The following CEP164 variants were observed in gnomAD, a reference collection of about 807,000 sequenced individuals.
CEP164 encodes centrosomal protein 164.
CEP164 carries 162 observed loss-of-function variants against 182.7 expected under a neutral mutation model. The ratio of observed to expected loss-of-function variants is 0.89; its 90% CI spans 0.78 to 1.01. The LOEUF (loss-of-function observed/expected upper bound fraction) is 1.01, where lower values mean the gene tolerates loss of function less well. CEP164 is among the 50% of genes least tolerant of loss of function. The pLI, the probability that CEP164 is intolerant of heterozygous loss-of-function variation, is 0.00. For synonymous variants in CEP164, 661 were observed against 690.0 expected, an observed-to-expected ratio of 0.96 and a Z score of 0.66; for missense variants, 1,735 against 1,790.4, an observed-to-expected ratio of 0.97 and a Z score of 0.56.
intron 9 of CEP164, among the ~76,000 whole-genome samples, chr11:117,372,942 T>G (rs943975079): frequency 2.0e-5 from 3 of 152,206 alleles, no homozygotes; most frequent in African/African-American, 7.2e-5. Context: ...TGGGAGTGGT[T>G]GCTTTGGCAA....
rs1158526777 is a variant in CEP164, at chr11:117,355,421, C to T, written c.393+3433C>T. 3.1e-6 allele frequency: 4 copies of T among 1,289,668 alleles called. No individual in the cohort carries two copies. In the East Asian group the frequency reaches 2.2e-4, roughly 71 times the overall value. The allele number at this position is 1,289,668 out of a possible 1,614,324, so 79.9% of individuals were successfully genotyped here. On this transcript the variant is annotated intron_variant, in intron 5 of 32. Transcript: ENST00000278935. ...AGAAAGCAGGAACCAGGCCTCTGTC[C>T]ACTCAAAGCTTTCTGAAGCCATCAA...
chr11:117,397,365 A>T (rs1345525564), intron 27 of CEP164, 52 bp downstream of exon 27: 1 of 1,542,336 alleles, frequency 6.5e-7, no homozygotes, highest in African/African-American at 1.4e-5. Flanking sequence ...AGGCGGGGGG[A>T]GTCAGCAAAA....
intron 27 of CEP164, among the ~76,000 whole-genome samples, chr11:117,398,533 GC>G (rs2045766251): frequency 6.6e-6 from 1 of 152,176 alleles, no homozygotes; most frequent in South Asian, 2.1e-4. Flanking sequence ...CTCCATGAGG[GC>G]CCCACCCCTG....
chr11:117,377,832 CAT>C (rs1227416942), intron 11 of CEP164, among the ~76,000 whole-genome samples: 1 of 152,062 alleles, frequency 6.6e-6, no homozygotes, highest in Non-Finnish European at 1.5e-5. Flanking sequence ...ATGAATTAGA[CAT>C]AATACATTTC....
chr11:117,390,051 T>A (rs897321899), intron 15 of CEP164, among the ~76,000 whole-genome samples: 1 of 149,534 alleles, frequency 6.7e-6, no homozygotes, highest in Non-Finnish European at 1.5e-5. Context: ...CCAGCAATTC[T>A]CCTGTCTCAG....
chr11:117,395,329 A>G (rs2045295895), intron 23 of CEP164, 138 bp downstream of exon 23: 1 of 1,169,302 alleles, frequency 8.6e-7, no homozygotes, highest in Admixed American at 2.1e-5. Context: ...TTCCACAAAT[A>G]GTGCCACTCT....
intron 14 of CEP164, among the ~76,000 whole-genome samples, chr11:117,383,612 G>T (rs1365502465): frequency 1.3e-5 from 2 of 152,228 alleles, no homozygotes; most frequent in East Asian, 3.8e-4. Flanking sequence ...CTAAAATTTA[G>T]AAATCATTTA....
chr11:117,410,361 C>A, intron 30 of CEP164: 2 of 308,580 alleles, frequency 6.5e-6, no homozygotes, highest in South Asian at 8.1e-5. Context: ...GTTCTTAATT[C>A]TCTGAGGTAG....
intron 24 of CEP164, 47 bp from the exon 25 acceptor site, chr11:117,396,007 C>T (rs374929426): frequency 6.2e-7 from 1 of 1,611,798 alleles, no homozygotes; most frequent in Non-Finnish European, 8.5e-7. Flanking sequence ...CCCCTCCCCC[C>T]CATCGCCAGC....
rs201736952 is a variant in CEP164 at position 117,395,527 on chromosome 11, A to T, written c.2914-20A>T. 6.3e-7 allele frequency: 1 copy of T among 1,596,644 alleles called. No homozygotes were observed. The highest frequency in any genetic ancestry group is 8.5e-7 in the Non-Finnish European group (1 of 1,172,002). ...CTCTGTGCTGTCTCTGGGTGCTTCT[A>T]TCTTTCCTTTTGCCCCTAGGAAGCC... On this transcript the variant is annotated intron_variant, in intron 23 of 32. Coordinates refer to ENST00000278935, the MANE Select transcript of CEP164 (RefSeq NM_014956.5).
chr11:117,391,610 C>T (rs771941104), intron 17 of CEP164, among the ~76,000 whole-genome samples: 2 of 152,110 alleles, frequency 1.3e-5, no homozygotes, highest in Non-Finnish European at 2.9e-5. Context: ...GGCGCTCTGT[C>T]CCTCACTGTC....
intron 5 of CEP164, chr11:117,356,119 G>A: frequency 1.9e-6 from 2 of 1,044,296 alleles, no homozygotes; most frequent in Non-Finnish European, 2.3e-6. Flanking sequence ...AGGAGGGTAT[G>A]GCTCAGTCAG....
chr11:117,394,585 A>G lies in CEP164; in HGVS notation c.2760+92A>G, dbSNP rs556536831. 2.3e-5 allele frequency: 34 copies of G among 1,484,460 alleles called. No homozygotes were observed. The highest frequency in any genetic ancestry group is 3.1e-5 in the Non-Finnish European group (34 of 1,100,702). The allele number at this position is 1,484,460 out of a possible 1,614,324, so 92.0% of individuals were successfully genotyped here. ...CAGACGCATGGCCCCAGCAGGATGC[A>G]GCCTGACAGCTTCTGGAGTGAGAGT... On this transcript the variant is annotated intron_variant, in intron 21 of 32. Transcript: ENST00000278935. This position sits in a 1 kb window ranked among gnomAD's most constrained non-coding sequence, Gnocchi z 4.0.
intron 14 of CEP164, among the ~76,000 whole-genome samples, chr11:117,383,857 G>A (rs1276115477): frequency 1.3e-5 from 2 of 152,176 alleles, no homozygotes; most frequent in African/African-American, 2.4e-5. Context: ...CCAACATGGC[G>A]AAACCCCGTC....
At chr11:117,387,025 T>C (rs747127419) in intron 14 of CEP164, 178 bp from the exon 15 acceptor site, 3 of 622,484 alleles carry the variant, frequency 4.8e-6, no homozygotes, top group African/African-American at 1.8e-5. Flanking sequence ...ATGGGGCTTG[T>C]CCTATGGAAC....
rs973179625 is a variant in CEP164 at position 117,353,998 on chromosome 11, C to T, written c.393+2010C>T. On this transcript the variant is annotated intron_variant, in intron 5 of 32. Coordinates refer to ENST00000278935, the MANE Select transcript of CEP164 (RefSeq NM_014956.5). ...TTGGTAAGGTTGGTGGACTTTTCTTCTTCTCCTTCTTCTTCTTCTTCTTCT... is the reference window on the plus strand; with the variant it reads ...TTGGTAAGGTTGGTGGACTTTTCTTTTTCTCCTTCTTCTTCTTCTTCTTCT... 3.9e-5 allele frequency among the ~76,000 whole-genome samples: 3 copies of T among 77,874 alleles called. No individual in the cohort carries two copies. In the South Asian group the frequency reaches 1.3e-3, roughly 34 times the overall value. 51.1% of individuals were successfully genotyped at this position (77,874 alleles called of 152,430 possible).
In CEP164 at chr11:117,392,604, C is replaced by A; in HGVS notation, c.2470C>A (p.His824Asn). 1 of 1,614,118 alleles carries A rather than the reference C, an allele frequency of 6.2e-7. No homozygotes were observed. ...GCACAGAGTTCACCAGAAGTCTTATCACGTGGCTGGGTATGAGCACGAGGT... is the reference window on the plus strand; with the variant it reads ...GCACAGAGTTCACCAGAAGTCTTATAACGTGGCTGGGTATGAGCACGAGGT... ...VEHRVHQKSY[H>N]VAGYEHELSS... Residue 824 changes from histidine (H) to asparagine (N), a missense_variant, in exon 19 of 33, where the codon CAC (histidine) becomes AAC (asparagine). His to Asn is a moderately conservative substitution (Grantham distance 68). Coordinates refer to ENST00000278935, the MANE Select transcript of CEP164 (RefSeq NM_014956.5).
intron 1 of CEP164, among the ~76,000 whole-genome samples, chr11:117,329,519 G>A (rs2035855866): frequency 6.6e-6 from 1 of 151,930 alleles, no homozygotes; most frequent in Admixed American, 6.6e-5. Flanking sequence ...TTTATTAGCT[G>A]TGACACCTTG....
Position 117,394,943 on chromosome 11 carries a change from G to T in CEP164, c.2784G>T (p.Glu928Asp), listed in dbSNP as rs143446218. 43 of 1,614,076 alleles carry T rather than the reference G, an allele frequency of 2.7e-5. No individual in the cohort carries two copies. Among genetic ancestry groups the T allele is most frequent in the Non-Finnish European group, 3.5e-5 (41 of 1,180,046 alleles). Residue 928 changes from glutamate to aspartate, a missense_variant, in exon 22 of 33, where the codon GAG becomes GAT. Transcript: ENST00000278935. This position sits in a 1 kb window ranked among gnomAD's most constrained non-coding sequence, Gnocchi z 4.0. The part of the protein sequence containing the change: ...REQERKLQDL[E>D]LDLETRAKDV... ...AGGAAAGGAAGCTCCAGGATTTAGA[G>T]TTGGACCTTGAAACCAGAGCTAAAG...
Sources: gnomAD v4.1 joint callset for allele counts (sites outside exome capture counted in the v4.1 genomes callset) on GRCh38, gnomAD v4.1.1 for gene constraint, Gnocchi (gnomAD v3.1) non-coding constraint, MANE v1.5 for transcripts, NCBI Gene and HGNC (gene_info 2026-07-23, HGNC 2026-07-21) for gene names.